The following LYPD6B variants were observed in gnomAD, a reference collection of about 807,000 sequenced individuals.
LYPD6B encodes ly6/PLAUR domain-containing protein 6B.
A neutral mutation model predicts 22.8 loss-of-function variants in LYPD6B; 17 were observed. The ratio of observed to expected loss-of-function variants is 0.75; its 90% confidence interval spans 0.51 to 1.12. The LOEUF is 1.12. LYPD6B is among the 50% of genes most tolerant of loss of function. LYPD6B has a pLI of 0.00. For missense variants in LYPD6B, 221 were observed against 258.3 expected (o/e 0.86, Z 0.99); for synonymous variants, 106 against 91.6 (o/e 1.16, Z -0.90).
intron 1 of LYPD6B, among the ~76,000 whole-genome samples, chr2:149,072,823 C>T (rs986413535): frequency 2.6e-5 from 4 of 152,152 alleles, no homozygotes; most frequent in African/African-American, 9.7e-5. Context: ...AGGTTTGAGG[C>T]ACCATGCCTG....
At chr2:149,186,430 A>C (rs962539062) in intron 3 of LYPD6B, among the ~76,000 whole-genome samples, 8 of 152,204 alleles carry the variant, frequency 5.3e-5, no homozygotes, top group Non-Finnish European at 1.5e-5. Context: ...GCTGCAGAAG[A>C]AGACTTTGAA....
chr2:149,131,128 T>A (rs1688002240), intron 2 of LYPD6B, 175 bp downstream of exon 2: 1 of 555,614 alleles, frequency 1.8e-6, no homozygotes, highest in Non-Finnish European at 3.2e-6. Flanking sequence ...GGTTTCAGTA[T>A]CTTCCCCTAA....
At chr2:149,041,813 A>G (rs1683100462) in intron 1 of LYPD6B, among the ~76,000 whole-genome samples, 1 of 152,226 alleles carries the variant, frequency 6.6e-6, no homozygotes, top group African/African-American at 2.4e-5. Context: ...ACTAAGAAGC[A>G]TAGTAAATCT....
intron 1 of LYPD6B, among the ~76,000 whole-genome samples, chr2:149,073,284 G>A (rs960749101): frequency 3.3e-5 from 5 of 152,178 alleles, no homozygotes; most frequent in African/African-American, 1.2e-4. Flanking sequence ...TGTGGGCAGA[G>A]GCACCCTGAC....
intron 1 of LYPD6B, among the ~76,000 whole-genome samples, chr2:149,051,587 A>C (rs1683563769): frequency 6.6e-6 from 1 of 152,304 alleles, no homozygotes; most frequent in East Asian, 1.9e-4. Context: ...CTGGTAGCTG[A>C]ATCTCTGAGC....
At chr2:149,211,155 A>G (rs1287643084) in intron 5 of LYPD6B, among the ~76,000 whole-genome samples, 1 of 152,162 alleles carries the variant, frequency 6.6e-6, no homozygotes, top group Non-Finnish European at 1.5e-5. Context: ...ACTCACTATC[A>G]CAAGAACAGC....
At chr2:149,051,655 G>T (rs1346647352) in intron 1 of LYPD6B, among the ~76,000 whole-genome samples, 1 of 151,508 alleles carries the variant, frequency 6.6e-6, no homozygotes, top group African/African-American at 2.4e-5. Flanking sequence ...TGAGTAAAGG[G>T]CTATATATTA....
intron 1 of LYPD6B, among the ~76,000 whole-genome samples, chr2:149,079,076 T>TAA (rs60944860): frequency 3.7e-5 from 5 of 136,098 alleles, no homozygotes; most frequent in African/African-American, 1.3e-4. Context: ...CTATTCAAAT[T>TAA]AAAAAAAAAA....
chr2:149,043,445 A>G (rs1232069589), intron 1 of LYPD6B, among the ~76,000 whole-genome samples: 1 of 152,164 alleles, frequency 6.6e-6, no homozygotes, highest in Non-Finnish European at 1.5e-5. Context: ...AACGCAAATA[A>G]AATTTTAAAG....
At chr2:149,090,399 A>C (rs537782518) in intron 1 of LYPD6B, among the ~76,000 whole-genome samples, 1 of 152,340 alleles carries the variant, frequency 6.6e-6, no homozygotes, top group Non-Finnish European at 1.5e-5. Flanking sequence ...TGTGCACTTA[A>C]ATAATACAAT....
intron 1 of LYPD6B, among the ~76,000 whole-genome samples, chr2:149,059,496 T>G (rs1481152523): frequency 6.6e-6 from 1 of 152,220 alleles, no homozygotes; most frequent in Non-Finnish European, 1.5e-5. Flanking sequence ...AATATATAGC[T>G]GGAGACCCAG....
chr2:149,073,917 TA>T (rs1336532229), intron 1 of LYPD6B, among the ~76,000 whole-genome samples: 1 of 151,646 alleles, frequency 6.6e-6, no homozygotes, highest in Non-Finnish European at 1.5e-5. Context: ...GTGACGGCTG[TA>T]CGAAAGGAGA....
chr2:149,044,057 T>C (rs1357230645), intron 1 of LYPD6B, among the ~76,000 whole-genome samples: 1 of 152,088 alleles, frequency 6.6e-6, no homozygotes, highest in African/African-American at 2.4e-5. Flanking sequence ...TGGAAGCACA[T>C]AGTGTAGGCC....
intron 2 of LYPD6B, among the ~76,000 whole-genome samples, chr2:149,152,828 G>A (rs1689461612): frequency 6.6e-6 from 1 of 152,134 alleles, no homozygotes; most frequent in Admixed American, 6.5e-5. Flanking sequence ...AAATAAGCAG[G>A]GTTAAAGCTC....
At chr2:149,042,918 C>G (rs1357437720) in intron 1 of LYPD6B, among the ~76,000 whole-genome samples, 1 of 152,132 alleles carries the variant, frequency 6.6e-6, no homozygotes, top group Non-Finnish European at 1.5e-5. Flanking sequence ...TATAGGATTT[C>G]TTTCATGCAG....
chr2:149,119,408 C>T (rs572464452), intron 1 of LYPD6B, among the ~76,000 whole-genome samples: 1 of 152,336 alleles, frequency 6.6e-6, no homozygotes, highest in African/African-American at 2.4e-5. Flanking sequence ...TTGTCTTCCA[C>T]ACGAAGACAT....
intron 3 of LYPD6B, among the ~76,000 whole-genome samples, chr2:149,163,775 T>C (rs969539648): frequency 1.3e-5 from 2 of 152,206 alleles, no homozygotes; most frequent in African/African-American, 2.4e-5. Context: ...AATGTAATCA[T>C]TCTCTTGTTT....
chr2:149,209,800 G>A (rs904589096), intron 5 of LYPD6B, among the ~76,000 whole-genome samples: 32 of 152,126 alleles, frequency 2.1e-4, no homozygotes, highest in Admixed American at 2.6e-4. Flanking sequence ...AACAAAATAT[G>A]TTTTTCTTGA....
chr2:149,078,965 C>T (rs1389005106), intron 1 of LYPD6B, among the ~76,000 whole-genome samples: 1 of 151,088 alleles, frequency 6.6e-6, no homozygotes, highest in Non-Finnish European at 1.5e-5. Context: ...TATGATCATG[C>T]CACTGCACTC....
Sources: allele counts gnomAD v4.1 joint callset (sites outside exome capture counted in the v4.1 genomes callset), GRCh38; gene constraint gnomAD v4.1.1; transcripts MANE v1.5; gene names NCBI Gene and HGNC (gene_info 2026-07-23, HGNC 2026-07-21).